The following ATXN1 variants were observed in gnomAD, a reference collection of about 807,000 sequenced individuals.
ATXN1 encodes ataxin 1, also known as ataxin-1.
A neutral mutation model predicts 56.4 loss-of-function variants in ATXN1; 8 were observed. That is an observed-to-expected ratio of 0.14 (90% CI 0.08 to 0.26). The LOEUF (loss-of-function observed/expected upper bound fraction) is 0.26, where lower values mean the gene tolerates loss of function less well. ATXN1 is among the 10% of genes least tolerant of loss of function. ATXN1 has a pLI of 1.00. For synonymous variants in ATXN1, 514 were observed against 494.6 expected (o/e 1.04, Z -0.52); for missense variants, 987 against 1,106.5 (o/e 0.89, Z 1.53).
At chr6:16,587,441 G>C (rs1762645412) in intron 3 of ATXN1, among the ~76,000 whole-genome samples, 1 of 152,148 alleles carries the variant, frequency 6.6e-6, no homozygotes, top group African/African-American at 2.4e-5. Context: ...TACTAATACA[G>C]ATCTTAGAAT....
At chr6:16,370,271 C>T (rs1762011956) in intron 6 of ATXN1, among the ~76,000 whole-genome samples, 1 of 152,044 alleles carries the variant, frequency 6.6e-6, no homozygotes, top group South Asian at 2.1e-4. Context: ...CCACATCAAC[C>T]CCCGCCGGAC....
intron 4 of ATXN1, among the ~76,000 whole-genome samples, chr6:16,546,185 G>C (rs1393196921): frequency 6.6e-6 from 1 of 152,188 alleles, no homozygotes; most frequent in Non-Finnish European, 1.5e-5. Context: ...ATGTACCAAA[G>C]ACTCACAATA....
chr6:16,393,896 G>C (rs1761280379), intron 6 of ATXN1, among the ~76,000 whole-genome samples: 1 of 144,642 alleles, frequency 6.9e-6, no homozygotes, highest in Non-Finnish European at 1.5e-5. Context: ...TTCTAACATG[G>C]AATCACCTTT....
At chr6:16,504,524 A>C (rs1760945035) in intron 5 of ATXN1, among the ~76,000 whole-genome samples, 1 of 152,192 alleles carries the variant, frequency 6.6e-6, no homozygotes, top group Non-Finnish European at 1.5e-5. Flanking sequence ...AAATCAAAGA[A>C]AACTGGTATC....
chr6:16,595,419 A>C (rs569363364), intron 3 of ATXN1, among the ~76,000 whole-genome samples: 1 of 152,370 alleles, frequency 6.6e-6, no homozygotes, highest in Non-Finnish European at 1.5e-5. Context: ...GCATGAGTAC[A>C]GAATTGGCAA....
intron 4 of ATXN1, among the ~76,000 whole-genome samples, chr6:16,531,304 A>G (rs554473207): frequency 1.3e-5 from 2 of 152,214 alleles, no homozygotes; most frequent in Non-Finnish European, 2.9e-5. Flanking sequence ...GAGGAAAGGC[A>G]GAATTCAGAT....
intron 5 of ATXN1, among the ~76,000 whole-genome samples, chr6:16,507,373 C>T (rs1760998524): frequency 6.6e-6 from 1 of 152,214 alleles, no homozygotes; most frequent in African/African-American, 2.4e-5. Flanking sequence ...TCCGAAGGAA[C>T]TCTGAAACGT....
intron 4 of ATXN1, among the ~76,000 whole-genome samples, chr6:16,530,948 C>G (rs573001050): frequency 6.6e-6 from 1 of 152,186 alleles, no homozygotes; most frequent in Non-Finnish European, 1.5e-5. Context: ...CAAAACATAC[C>G]ATATAAACTC....
chr6:16,734,417 G>A (rs757779134), intron 2 of ATXN1, among the ~76,000 whole-genome samples: 2 of 152,130 alleles, frequency 1.3e-5, no homozygotes, highest in Non-Finnish European at 2.9e-5. Context: ...AGAAGGATGA[G>A]AGATGAAAAA....
At chr6:16,343,568 T>C (rs890223511) in intron 6 of ATXN1, among the ~76,000 whole-genome samples, 1 of 152,070 alleles carries the variant, frequency 6.6e-6, no homozygotes, top group African/African-American at 2.4e-5. Flanking sequence ...GACTGTGAGC[T>C]GTAAAAAGTG....
chr6:16,320,589 C>T (rs569628392), intron 7 of ATXN1, among the ~76,000 whole-genome samples: 6 of 152,240 alleles, frequency 3.9e-5, no homozygotes, highest in Admixed American at 2.6e-4. Context: ...TAATATAGAA[C>T]GCCGCCAGAT....
At chr6:16,342,871 G>A (rs552117693) in intron 6 of ATXN1, among the ~76,000 whole-genome samples, 3 of 152,324 alleles carry the variant, frequency 2.0e-5, no homozygotes, top group East Asian at 3.9e-4. Flanking sequence ...CTGGGAGGAC[G>A]GGGCAATGGG....
chr6:16,713,476 C>T (rs981123205), intron 2 of ATXN1, among the ~76,000 whole-genome samples: 1 of 152,178 alleles, frequency 6.6e-6, no homozygotes, highest in Non-Finnish European at 1.5e-5. Context: ...GTGAAAACTG[C>T]TCAATCCAAG....
intron 5 of ATXN1, among the ~76,000 whole-genome samples, chr6:16,486,636 C>T (rs1581794478): frequency 6.6e-6 from 1 of 152,150 alleles, no homozygotes; most frequent in South Asian, 2.1e-4. Flanking sequence ...AGCATCCAAA[C>T]GTCTGCATGC....
In ATXN1 at chr6:16,327,951, G is replaced by A. The variant is rs199890496; in HGVS notation, c.360C>T (p.Tyr120=). 4.0e-5 allele frequency: 64 copies of A among 1,612,830 alleles called. No homozygotes were observed. The Admixed American group carries it at 9.3e-4, about 24-fold the overall frequency. Reference sequence around the variant, plus strand: ...ACTGGAAGGTGTGCGGCAGGTGAGCGTACTGCACGGGGGACACCGGGGTCC... The same window carrying A: ...ACTGGAAGGTGTGCGGCAGGTGAGCATACTGCACGGGGGACACCGGGGTCC... ...QPGTPVSPVQ[Y]AHLPHTFQFI... Residue 120 remains tyrosine (Y), a synonymous_variant, in exon 7 of 8, where the codon TAC becomes TAT. Transcript: ENST00000436367.
In ATXN1 at chr6:16,708,629, A is replaced by G. The variant is rs192713647; in HGVS notation, c.-615+44604T>C. ...ATTGCCAGAGTTAAAGGGTCATTTCATAATAATTAAAGGGTGTACTTATTA... is the reference window on the plus strand; with the variant it reads ...ATTGCCAGAGTTAAAGGGTCATTTCGTAATAATTAAAGGGTGTACTTATTA... On this transcript the variant is annotated intron_variant, in intron 2 of 7. Coordinates refer to ENST00000436367, the MANE Select transcript of ATXN1 (RefSeq NM_001128164.2). Among the ~76,000 whole-genome samples, 246 of 152,336 alleles carry G rather than the reference A, an allele frequency of 1.6e-3. 1 individual carries two copies. Among genetic ancestry groups the G allele is most frequent in the African/African-American group, 5.5e-3 (227 of 41,576 alleles).
At chr6:16,361,157 A>G (rs1052350749) in intron 6 of ATXN1, among the ~76,000 whole-genome samples, 1 of 152,230 alleles carries the variant, frequency 6.6e-6, no homozygotes, top group African/African-American at 2.4e-5. Flanking sequence ...CTGAGAGGCA[A>G]GAAGAATCTG....
chr6:16,514,200 C>A (rs1761134975), intron 5 of ATXN1, among the ~76,000 whole-genome samples: 1 of 152,172 alleles, frequency 6.6e-6, no homozygotes. Flanking sequence ...CTTTCTTCCT[C>A]CTTTCTCCCA....
chr6:16,351,122 C>A (rs1356308286), intron 6 of ATXN1, among the ~76,000 whole-genome samples: 2 of 152,034 alleles, frequency 1.3e-5, no homozygotes, highest in Non-Finnish European at 2.9e-5. Flanking sequence ...ATAACACGTA[C>A]CCTACAGGGT....
Sources: allele counts gnomAD v4.1 joint callset (sites outside exome capture counted in the v4.1 genomes callset), GRCh38; gene constraint gnomAD v4.1.1; transcripts MANE v1.5; gene names NCBI Gene and HGNC (gene_info 2026-07-23, HGNC 2026-07-21).